Variants in CHN1 observed in about 807,000 individuals in gnomAD.
CHN1 encodes the protein chimerin 1.
CHN1 carries 37 observed loss-of-function variants against 59.5 expected under a neutral mutation model. The ratio of observed to expected loss-of-function variants is 0.62; its 90% CI spans 0.48 to 0.82. The LOEUF (loss-of-function observed/expected upper bound fraction) is 0.82. CHN1 is among the 40% of genes least tolerant of loss of function. The pLI is 0.00. For missense variants in CHN1, 469 were observed against 571.0 expected, an observed-to-expected ratio of 0.82 and a Z score of 1.82; for synonymous variants, 206 against 200.4, an observed-to-expected ratio of 1.03 and a Z score of -0.24.
chr2:174,929,150 T>C (rs1689257748), intron 3 of CHN1, among the ~76,000 whole-genome samples: 1 of 152,236 alleles, frequency 6.6e-6, no homozygotes, highest in South Asian at 2.1e-4. Context: ...TTTCCATTGT[T>C]TTACATTTTC....
chr2:174,851,413 G>C (rs957214907), intron 6 of CHN1, among the ~76,000 whole-genome samples: 4 of 152,116 alleles, frequency 2.6e-5, no homozygotes, highest in African/African-American at 7.2e-5. Context: ...CTGAGTAGCA[G>C]GGACTAGAGG....
At chr2:174,991,411 T>G (rs1309361100) in intron 1 of CHN1, among the ~76,000 whole-genome samples, 2 of 152,214 alleles carry the variant, frequency 1.3e-5, no homozygotes, top group Non-Finnish European at 2.9e-5. Context: ...AAAATCAACC[T>G]GGATTATAAC....
intron 3 of CHN1, among the ~76,000 whole-genome samples, chr2:174,940,267 T>C (rs1689617598): frequency 6.6e-6 from 1 of 152,164 alleles, no homozygotes; most frequent in Non-Finnish European, 1.5e-5. Context: ...GATCTCGTGA[T>C]CCACCCGCCT....
chr2:174,870,088 G>A (rs1161403887), intron 6 of CHN1, among the ~76,000 whole-genome samples: 1 of 152,162 alleles, frequency 6.6e-6, no homozygotes, highest in Non-Finnish European at 1.5e-5. Context: ...GAAGCCATCA[G>A]CAAACCTACA....
intron 6 of CHN1, among the ~76,000 whole-genome samples, chr2:174,872,780 A>C (rs1360280405): frequency 3.3e-5 from 5 of 152,154 alleles, no homozygotes; most frequent in African/African-American, 9.7e-5. Flanking sequence ...TCCTAGCAAA[A>C]GCTAGGGGGA....
chr2:174,915,580 A>C (rs916479739), intron 4 of CHN1, among the ~76,000 whole-genome samples: 1 of 152,080 alleles, frequency 6.6e-6, no homozygotes, highest in Non-Finnish European at 1.5e-5. Flanking sequence ...ACTGCTCCAA[A>C]ATTTTGGCTG....
In CHN1 at chr2:174,826,607, CAA is replaced by C. The variant is rs755511394; in HGVS notation, c.628-2091_628-2090del. On this transcript the variant is annotated intron_variant, in intron 7 of 12. Transcript: ENST00000409900. ...GCATCTGAAAGTTAAACAGGGAGAG[CAA>C]AAAGAGTAGAAGGTGTTTTGTTTGC... 4.6e-5 allele frequency among the ~76,000 whole-genome samples: 7 copies of C among 152,172 alleles called. No individual in the cohort carries two copies. The East Asian group carries it at 1.4e-3, about 29-fold the overall frequency.
At chr2:174,889,958 A>C (rs1435271206) in intron 5 of CHN1, among the ~76,000 whole-genome samples, 1 of 151,644 alleles carries the variant, frequency 6.6e-6, no homozygotes, top group Non-Finnish European at 1.5e-5. Context: ...GAAGGGAATC[A>C]AACCATATCA....
intron 11 of CHN1, among the ~76,000 whole-genome samples, chr2:174,805,358 A>C (rs912679771): frequency 6.6e-6 from 1 of 152,220 alleles, no homozygotes; most frequent in African/African-American, 2.4e-5. Context: ...CTAACATCCT[A>C]CCGTTCTCAA....
chr2:174,854,291 A>G (rs1686832892), intron 6 of CHN1, among the ~76,000 whole-genome samples: 1 of 152,060 alleles, frequency 6.6e-6, no homozygotes, highest in Non-Finnish European at 1.5e-5. Context: ...TTAAGCCACA[A>G]TGTACATTGC....
chr2:174,938,588 G>A (rs766248101), intron 3 of CHN1, among the ~76,000 whole-genome samples: 6 of 152,006 alleles, frequency 3.9e-5, no homozygotes, highest in African/African-American at 7.2e-5. Context: ...CCTAGAGAAC[G>A]GTCAAATATA....
In CHN1 at chr2:175,005,128, A is replaced by G. The variant is rs562573774; in HGVS notation, c.-216T>C. 176 of 1,309,822 alleles carry G rather than the reference A, an allele frequency of 1.3e-4. 2 individuals carry two copies. In the East Asian group the frequency reaches 4.4e-3, roughly 33 times the overall value. 81.1% of individuals were successfully genotyped at this position (1,309,822 alleles called of 1,614,324 possible). A position where few individuals can be genotyped will look rare whatever the true frequency, so the allele number is the denominator to read the frequency against. Reference sequence around the variant, plus strand: ...CGTTATTGTCGGGCGCACCGGGCCCAGGGAGCCCCGCTAGCTCTCCGCGAG... The same window carrying G: ...CGTTATTGTCGGGCGCACCGGGCCCGGGGAGCCCCGCTAGCTCTCCGCGAG... On this transcript the variant is annotated 5_prime_UTR_variant, in exon 1 of 13. Coordinates refer to ENST00000409900, the MANE Select transcript of CHN1 (RefSeq NM_001822.7).
At chr2:174,906,419 T>C (rs1045980182) in intron 5 of CHN1, among the ~76,000 whole-genome samples, 1 of 152,160 alleles carries the variant, frequency 6.6e-6, no homozygotes, top group African/African-American at 2.4e-5. Flanking sequence ...GAGACAAAAG[T>C]AGATTAGTGG....
chr2:174,918,806 G>A (rs2105374060), intron 3 of CHN1, among the ~76,000 whole-genome samples: 1 of 152,168 alleles, frequency 6.6e-6, no homozygotes, highest in Admixed American at 6.5e-5. Flanking sequence ...ACTATCTTTA[G>A]TTTCTAGAAT....
intron 3 of CHN1, among the ~76,000 whole-genome samples, chr2:174,925,749 G>A (rs998254288): frequency 1.3e-5 from 2 of 152,196 alleles, no homozygotes; most frequent in African/African-American, 4.8e-5. Flanking sequence ...ATCCACCTAT[G>A]ACTGTAACAC....
chr2:174,988,320 G>T (rs1691421091), intron 1 of CHN1, among the ~76,000 whole-genome samples: 1 of 147,978 alleles, frequency 6.8e-6, no homozygotes, highest in African/African-American at 2.5e-5. Context: ...TCGCGCCACT[G>T]CACTCCAGCC....
intron 1 of CHN1, among the ~76,000 whole-genome samples, chr2:174,959,357 G>A (rs1023387893): frequency 5.9e-5 from 9 of 151,744 alleles, no homozygotes; most frequent in Non-Finnish European, 1.0e-4. Context: ...TGAGAGAAAA[G>A]CGGCTTGAAT....
chr2:174,872,340 C>T (rs1687435400), intron 6 of CHN1, among the ~76,000 whole-genome samples: 1 of 151,844 alleles, frequency 6.6e-6, no homozygotes, highest in Non-Finnish European at 1.5e-5. Flanking sequence ...GTGTAGATGG[C>T]TCATGAAAGA....
intron 1 of CHN1, among the ~76,000 whole-genome samples, chr2:174,994,776 C>G (rs1350706805): frequency 6.6e-6 from 1 of 152,198 alleles, no homozygotes; most frequent in Non-Finnish European, 1.5e-5. Context: ...AGTAGCCCAG[C>G]ATGGCTGAAG....
Sources: gnomAD v4.1 joint callset for allele counts (sites outside exome capture counted in the v4.1 genomes callset) on GRCh38, gnomAD v4.1.1 for gene constraint, MANE v1.5 for transcripts, NCBI Gene and HGNC (gene_info 2026-07-23, HGNC 2026-07-21) for gene names.